Variants in OR9Q1 observed in about 807,000 individuals in gnomAD.
OR9Q1 encodes olfactory receptor 9Q1.
For missense variants in OR9Q1, 374 were observed against 378.8 expected, an observed-to-expected ratio of 0.99 and a Z score of 0.11; for synonymous variants, 153 against 148.6, an observed-to-expected ratio of 1.03 and a Z score of -0.22.
chr11:58,093,100 T>C lies in OR9Q1; in HGVS notation c.-15+37153T>C, dbSNP rs556899262. 3.9e-5 allele frequency among the ~76,000 whole-genome samples: 6 copies of C among 152,338 alleles called. No homozygotes were observed. In the South Asian group the frequency reaches 8.3e-4, roughly 21 times the overall value. On this transcript the variant is annotated intron_variant, in intron 2 of 2. Transcript: ENST00000335397. The stretch of plus-strand genomic sequence containing the variant: ...ATTTGAGCAATTATAGCTTCTATTT[T>C]GATGGAAAGACAATCATAACTTGTT...
intron 2 of OR9Q1, among the ~76,000 whole-genome samples, chr11:58,161,124 T>C (rs893593808): frequency 1.3e-5 from 2 of 151,580 alleles, no homozygotes; most frequent in Non-Finnish European, 2.9e-5. Flanking sequence ...GGGATAGCAT[T>C]AGGAGGAATA....
intron 2 of OR9Q1, among the ~76,000 whole-genome samples, chr11:58,170,767 C>T (rs182643509): frequency 2.0e-5 from 3 of 152,280 alleles, no homozygotes; most frequent in Admixed American, 6.5e-5. Flanking sequence ...ATGTGCCTTT[C>T]ACCTTCTGCC....
At chr11:58,053,330 C>T (rs1454933244) in intron 1 of OR9Q1, among the ~76,000 whole-genome samples, 1 of 150,902 alleles carries the variant, frequency 6.6e-6, no homozygotes, top group Non-Finnish European at 1.5e-5. Context: ...TCATCATTCT[C>T]AGTAAACTAT....
intron 2 of OR9Q1, among the ~76,000 whole-genome samples, chr11:58,148,447 T>G (rs892522175): frequency 1.3e-5 from 2 of 150,234 alleles, no homozygotes; most frequent in Non-Finnish European, 2.9e-5. Context: ...ATAGAAATAC[T>G]TACCAGATTT....
chr11:58,150,083 T>A (rs1226716792), intron 2 of OR9Q1, among the ~76,000 whole-genome samples: 1 of 152,226 alleles, frequency 6.6e-6, no homozygotes, highest in East Asian at 1.9e-4. Flanking sequence ...ACATTCCCAC[T>A]GGCAATATAT....
chr11:58,024,860 A>C (rs1258474140), intron 1 of OR9Q1, among the ~76,000 whole-genome samples: 1 of 152,126 alleles, frequency 6.6e-6, no homozygotes, highest in Non-Finnish European at 1.5e-5. Flanking sequence ...TTAACCTCAG[A>C]GTCAGGGCAG....
intron 2 of OR9Q1, among the ~76,000 whole-genome samples, chr11:58,075,679 A>G (rs1323559148): frequency 6.6e-6 from 1 of 152,188 alleles, no homozygotes; most frequent in Non-Finnish European, 1.5e-5. Flanking sequence ...TAGCACCTTG[A>G]TCTTTGACTT....
chr11:58,063,744 A>AG (rs1853402245), intron 2 of OR9Q1, among the ~76,000 whole-genome samples: 1 of 152,202 alleles, frequency 6.6e-6, no homozygotes, highest in African/African-American at 2.4e-5. Flanking sequence ...TCAGGCAGTC[A>AG]GGTACCGTTC....
At chr11:58,084,139 A>T (rs1853613976) in intron 2 of OR9Q1, among the ~76,000 whole-genome samples, 1 of 151,682 alleles carries the variant, frequency 6.6e-6, no homozygotes, top group South Asian at 2.1e-4. Flanking sequence ...TTCTTTCAGG[A>T]GTGTTTTGTA....
In OR9Q1 at chr11:58,046,002, G is replaced by GTCATTT. The variant is rs532687003; in HGVS notation, c.-92-9866_-92-9865insATTTTC. On this transcript the variant is annotated intron_variant, in intron 1 of 2. Coordinates refer to ENST00000335397, the MANE Select transcript of OR9Q1 (RefSeq NM_001005212.4). Reference sequence around the variant, plus strand: ...AAAACTGTCTCCATACATTGTCATTGTCCCATGAGAGGCAAAATCACTCCA... The same window carrying GTCATTT: ...AAAACTGTCTCCATACATTGTCATTGTCATTTTCCCATGAGAGGCAAAATCACTCCA... Among the ~76,000 whole-genome samples, 1,117 of 152,332 alleles carry GTCATTT rather than the reference G, an allele frequency of 7.3e-3. 24 individuals carry two copies. Among genetic ancestry groups the GTCATTT allele is most frequent in the Middle Eastern group, 0.041 (12 of 294 alleles).
At chr11:58,174,675 A>T (rs1854587358) in intron 2 of OR9Q1, among the ~76,000 whole-genome samples, 1 of 149,470 alleles carries the variant, frequency 6.7e-6, no homozygotes, top group African/African-American at 2.5e-5. Flanking sequence ...AAAAAAATAA[A>T]GTTTACTGCT....
chr11:58,028,183 TG>T (rs1852994020), intron 1 of OR9Q1, among the ~76,000 whole-genome samples: 1 of 151,992 alleles, frequency 6.6e-6, no homozygotes, highest in African/African-American at 2.4e-5. Context: ...GGCCTCAGGA[TG>T]GATGTTGGGG....
intron 2 of OR9Q1, among the ~76,000 whole-genome samples, chr11:58,147,204 A>T (rs1300371731): frequency 1.3e-5 from 2 of 152,162 alleles, no homozygotes; most frequent in Non-Finnish European, 2.9e-5. Flanking sequence ...ATTCTTGGCA[A>T]AGTGGCAAAA....
At chr11:58,053,579 C>G (rs1354630785) in intron 1 of OR9Q1, among the ~76,000 whole-genome samples, 3 of 79,100 alleles carry the variant, frequency 3.8e-5, no homozygotes, top group African/African-American at 8.1e-5. Flanking sequence ...GCACATGTAC[C>G]CTAAAACTTA....
At chr11:58,139,331 G>T (rs1346279761) in intron 2 of OR9Q1, among the ~76,000 whole-genome samples, 1 of 150,078 alleles carries the variant, frequency 6.7e-6, no homozygotes, top group Admixed American at 6.7e-5. Flanking sequence ...TGTGCACAAT[G>T]TGCAGGTTTG....
intron 2 of OR9Q1, among the ~76,000 whole-genome samples, chr11:58,134,224 A>T (rs1012638126): frequency 6.6e-6 from 1 of 152,128 alleles, no homozygotes; most frequent in African/African-American, 2.4e-5. Flanking sequence ...AAAGAAGAGA[A>T]TTTCATCTGC....
intron 2 of OR9Q1, among the ~76,000 whole-genome samples, chr11:58,065,036 T>C (rs573393447): frequency 1.4e-4 from 22 of 152,074 alleles, no homozygotes; most frequent in East Asian, 3.9e-4. Flanking sequence ...ACAGACTCAT[T>C]GTAGTGCAAA....
chr11:58,126,020 T>C (rs948813924), intron 2 of OR9Q1, among the ~76,000 whole-genome samples: 1 of 152,160 alleles, frequency 6.6e-6, no homozygotes, highest in African/African-American at 2.4e-5. Flanking sequence ...CATTGTCTGC[T>C]CAGAATTTCA....
At chr11:58,076,899 A>G (rs6591455) in intron 2 of OR9Q1, among the ~76,000 whole-genome samples, 37,584 of 152,136 alleles carry the variant, frequency 0.25, 5,266 homozygotes, top group East Asian at 0.58. Context: ...ATCCCTACAG[A>G]TCCCAAATCT....
Sources: gnomAD v4.1 joint callset for allele counts (sites outside exome capture counted in the v4.1 genomes callset) on GRCh38, gnomAD v4.1.1 for gene constraint, MANE v1.5 for transcripts, NCBI Gene and HGNC (gene_info 2026-07-23, HGNC 2026-07-21) for gene names.